Variants in NIN observed in about 807,000 individuals in gnomAD.
NIN encodes ninein.
A neutral mutation model predicts 257.6 loss-of-function variants in NIN; 137 were observed. The observed-to-expected ratio is 0.53, with a 90% CI of 0.46 to 0.61. NIN has a LOEUF of 0.61. NIN is among the 20% of genes least tolerant of loss of function. The pLI, the probability that NIN is intolerant of heterozygous loss-of-function variation, is 0.00. For missense variants in NIN, 2,439 were observed against 2,501.2 expected, an observed-to-expected ratio of 0.98 and a Z score of 0.53; for synonymous variants, 918 against 919.8, an observed-to-expected ratio of 1.00 and a Z score of 0.04.
At position 50,720,613 on chromosome 14, in the gene NIN, T is replaced by A. The variant is rs907175073; in HGVS notation, c.*2850A>T. 3 of 207,038 alleles carry A rather than the reference T, an allele frequency of 1.4e-5. No homozygotes were observed. Among genetic ancestry groups the A allele is most frequent in the African/African-American group, 4.6e-5 (2 of 43,954 alleles). 12.8% of individuals were successfully genotyped at this position (207,038 alleles called of 1,614,324 possible). A position where few individuals can be genotyped will look rare whatever the true frequency, so the allele number is the denominator to read the frequency against. ...AATGCATTGAAATTTCTGGGAAGAA[T>A]TCACATTTAAAACAGTTTAAAAAAT... On this transcript the variant is annotated 3_prime_UTR_variant, in exon 31 of 31. Transcript: ENST00000530997.
chr14:50,806,574 C>A, intron 4 of NIN, 163 bp downstream of exon 4: 2 of 507,778 alleles, frequency 3.9e-6, no homozygotes, highest in East Asian at 3.3e-5. Flanking sequence ...TCAACAGCTG[C>A]AAAGCTTTTA....
rs142278608 is a variant in NIN at position 50,773,903 on chromosome 14, T to C, written c.667-808A>G. Among the ~76,000 whole-genome samples, 34 of 152,174 alleles carry C rather than the reference T, an allele frequency of 2.2e-4. No homozygotes were observed. The East Asian group carries it at 3.7e-3, about 16-fold the overall frequency. ...CTCCACAGAGGAATGGGAAGGTGAA[T>C]AGAGCAACGTGGATCATTGAAGCCA... is the stretch of plus-strand genomic sequence containing the variant. On this transcript the variant is annotated intron_variant, in intron 7 of 30. Transcript: ENST00000530997.
chr14:50,822,571 A>G (rs1163196674), intron 2 of NIN, among the ~76,000 whole-genome samples: 1 of 152,178 alleles, frequency 6.6e-6, no homozygotes, highest in Non-Finnish European at 1.5e-5. Flanking sequence ...ACCTGCCCCG[A>G]TGGTGCAATC....
chr14:50,777,361 C>T (rs2042962825), intron 6 of NIN, among the ~76,000 whole-genome samples: 1 of 152,168 alleles, frequency 6.6e-6, no homozygotes, highest in Non-Finnish European at 1.5e-5. Flanking sequence ...GACAGTCATA[C>T]CGGTGTAATA....
chr14:50,812,018 G>A (rs1044113195), intron 3 of NIN, among the ~76,000 whole-genome samples: 2 of 152,016 alleles, frequency 1.3e-5, no homozygotes, highest in African/African-American at 2.4e-5. Flanking sequence ...TACTCAGGAG[G>A]CTGAGGCAGG....
chr14:50,806,836 T>C lies in NIN; in HGVS notation c.184-18A>G. 7.8e-7 allele frequency: 1 copy of C among 1,278,672 alleles called. No individual in the cohort carries two copies. The highest frequency in any genetic ancestry group is 1.1e-6 in the Non-Finnish European group (1 of 888,016). 79.2% of individuals were successfully genotyped at this position (1,278,672 alleles called of 1,614,324 possible). ...AAATGTACCTAAAAAAAATTAAAAA[T>C]AGATTTAAAGTAATTTCCACAGCTC... On this transcript the variant is annotated intron_variant, in intron 3 of 30. Coordinates refer to ENST00000530997, the MANE Select transcript of NIN (RefSeq NM_020921.4).
chr14:50,770,819 G>T, intron 11 of NIN, 33 bp downstream of exon 11: 1 of 1,599,478 alleles, frequency 6.3e-7, no homozygotes, highest in South Asian at 1.1e-5. Flanking sequence ...CCAGGGTGGT[G>T]GGTGAGGAGG....
chr14:50,759,197 C>T (rs2042165869), intron 17 of NIN, among the ~76,000 whole-genome samples: 1 of 152,168 alleles, frequency 6.6e-6, no homozygotes, highest in Non-Finnish European at 1.5e-5. Context: ...GAAATGTAAC[C>T]TTGCCTGGAA....
Position 50,756,565 on chromosome 14 carries a change from C to A in NIN, c.4465G>T (p.Glu1489Ter). Residue 1489 changes from glutamate to a stop codon, truncating the protein, a stop_gained, in exon 18 of 31, where the codon GAA becomes TAA. Coordinates refer to ENST00000530997, the MANE Select transcript of NIN (RefSeq NM_020921.4). LOFTEE classifies it high-confidence loss of function. ...TCATGCATCATTGCCTTCAGCTCTTCCTCCTTTTCTCCGTGAGAAAGTACA... is the reference window on the plus strand; with the variant it reads ...TCATGCATCATTGCCTTCAGCTCTTACTCCTTTTCTCCGTGAGAAAGTACA... ...KDVLSHGEKE[E>*]ELKAMMHDLQ... The A allele has an allele frequency of 6.2e-7, 1 of 1,613,104 alleles. No homozygotes were observed. Among genetic ancestry groups the A allele is most frequent in the Non-Finnish European group, 8.5e-7 (1 of 1,179,660 alleles).
At position 50,756,664 on chromosome 14, in the gene NIN, G is replaced by T. The variant is rs2042040826; in HGVS notation, c.4366C>A (p.Leu1456Met). 1 of 1,552,306 alleles carries T rather than the reference G, an allele frequency of 6.4e-7. No homozygotes were observed. Among genetic ancestry groups the T allele is most frequent in the Non-Finnish European group, 8.7e-7 (1 of 1,147,312 alleles). The stretch of plus-strand genomic sequence containing the variant: ...AGCTCCTGTAACTTTGTTTTCTCCA[G>T]TTCTAACTCTGCTATGGTGGCCTGA... Reference protein sequence around the residue: ...QHQATIAELELEKTKLQELTR... With the variant: ...QHQATIAELEMEKTKLQELTR... Residue 1456 changes from leucine (L) to methionine (M), a missense_variant, in exon 18 of 31, where the codon CTG (leucine) becomes ATG (methionine). This residue lies in a region of NIN where 2,043 missense variants were observed against 2,050.2 expected (regional missense o/e 1.00). Coordinates refer to ENST00000530997, the MANE Select transcript of NIN (RefSeq NM_020921.4).
chr14:50,771,002 G>C lies in NIN; in HGVS notation c.1119-10C>G, dbSNP rs757820098. The C allele has an allele frequency of 3.7e-6, 6 of 1,612,168 alleles. No homozygotes were observed. The highest frequency in any genetic ancestry group is 1.3e-5 in the African/African-American group (1 of 74,942). On this transcript the variant is annotated splice_polypyrimidine_tract_variant and intron_variant, in intron 10 of 30. Coordinates refer to ENST00000530997, the MANE Select transcript of NIN (RefSeq NM_020921.4). Reference sequence around the variant, plus strand: ...CTGATCAACTCGTTCCCTAGGATCAGAAGTACACTGAGTTAATGGGAAACT... The same window carrying C: ...CTGATCAACTCGTTCCCTAGGATCACAAGTACACTGAGTTAATGGGAAACT...
In NIN at chr14:50,754,876, C is replaced by T. The variant is rs2041953494; in HGVS notation, c.4539-9G>A. 6.5e-7 allele frequency: 1 copy of T among 1,538,870 alleles called. No homozygotes were observed. Among genetic ancestry groups the T allele is most frequent in the Non-Finnish European group, 8.7e-7 (1 of 1,146,606 alleles). ...GCTTTTCAGATTCATATCTGAAGCA[C>T]AGAGATTGAAAAAAATTGTTACAAG... On this transcript the variant is annotated splice_polypyrimidine_tract_variant and intron_variant, in intron 18 of 30. Coordinates refer to ENST00000530997, the MANE Select transcript of NIN (RefSeq NM_020921.4).
chr14:50,823,108 T>C (rs1249002930), intron 2 of NIN: 2 of 494,326 alleles, frequency 4.0e-6, no homozygotes, highest in African/African-American at 2.0e-5. Flanking sequence ...GTTAAAAATA[T>C]ACATCATAAA....
At position 50,758,637 on chromosome 14, in the gene NIN, A is replaced by G. The variant is rs182061829; in HGVS notation, c.2400-7T>C. ...CTCTGTTTCCATTTTTTCCCTAAAT[A>G]TAGTCAACATACAGCATTATTGAAA... On this transcript the variant is annotated splice_region_variant and splice_polypyrimidine_tract_variant and intron_variant, in intron 17 of 30. Transcript: ENST00000530997. The G allele has an allele frequency of 2.7e-5, 42 of 1,547,488 alleles. No homozygotes were observed. The East Asian group carries it at 3.2e-4, about 12-fold the overall frequency.
intron 4 of NIN, among the ~76,000 whole-genome samples, chr14:50,794,054 G>A (rs955020242): frequency 6.6e-6 from 1 of 152,150 alleles, no homozygotes; most frequent in African/African-American, 2.4e-5. Context: ...TTATAAAAAC[G>A]ACAATAGTTG....
chr14:50,746,996 G>T (rs2041576664), intron 22 of NIN, among the ~76,000 whole-genome samples: 1 of 152,104 alleles, frequency 6.6e-6, no homozygotes, highest in Admixed American at 6.5e-5. Flanking sequence ...TGAGTAGCTG[G>T]GACTACAGGT....
Position 50,741,880 on chromosome 14 carries a change from T to C in NIN, c.5302-152A>G, listed in dbSNP as rs1040606110. ...TCTTGTCAGTAGCTCAGTGGAAACC[T>C]AGGACAGTAGGTATATTTACAGGAT... On this transcript the variant is annotated intron_variant, in intron 24 of 30. Coordinates refer to ENST00000530997, the MANE Select transcript of NIN (RefSeq NM_020921.4). 6 of 680,718 alleles carry C rather than the reference T, an allele frequency of 8.8e-6. No homozygotes were observed. The African/African-American group carries it at 8.9e-5, about 10-fold the overall frequency. 42.2% of individuals were successfully genotyped at this position (680,718 alleles called of 1,614,324 possible). A position where few individuals can be genotyped will look rare whatever the true frequency, so the allele number is the denominator to read the frequency against.
At chr14:50,798,095 C>T (rs956064461) in intron 4 of NIN, among the ~76,000 whole-genome samples, 1 of 152,198 alleles carries the variant, frequency 6.6e-6, no homozygotes, top group South Asian at 2.1e-4. Context: ...CCTTTTGCTT[C>T]CCAGTGCACT....
In NIN at chr14:50,821,998, A is replaced by G; in HGVS notation, c.59T>C (p.Phe20Ser). ...CAGGGACCCTGTGCCCGTCGTGTCA[A>G]AACTGTCAAACAGCTCCTTGAGTCG... ...EARLKELFDS[F>S]DTTGTGSLGQ... The change falls in exon 3 of 31, where the codon TTT (phenylalanine) becomes TCT (serine). Residue 20 changes from phenylalanine to serine, a missense_variant. Physicochemically the swap from Phe to Ser is radical, Grantham distance 155 (BLOSUM62 -2). Coordinates refer to ENST00000530997, the MANE Select transcript of NIN (RefSeq NM_020921.4). 6.2e-7 allele frequency: 1 copy of G among 1,614,142 alleles called. No individual in the cohort carries two copies. Among genetic ancestry groups the G allele is most frequent in the Non-Finnish European group, 8.5e-7 (1 of 1,180,034 alleles).
Sources: gnomAD v4.1 joint callset for allele counts (sites outside exome capture counted in the v4.1 genomes callset) on GRCh38, gnomAD v4.1.1 for gene constraint, gnomAD v4.1.1 regional missense constraint, MANE v1.5 for transcripts, NCBI Gene and HGNC (gene_info 2026-07-23, HGNC 2026-07-21) for gene names.